The following TPD52L1 variants were observed in gnomAD, a reference collection of about 807,000 sequenced individuals.
TPD52L1 encodes tumor protein D53.
Under a neutral mutation model 28.7 loss-of-function variants are expected in TPD52L1, and 18 were observed. The ratio of observed to expected loss-of-function variants is 0.63; its 90% CI spans 0.43 to 0.93. The LOEUF is 0.93. Among genes scored for constraint, TPD52L1 ranks in the 40% least tolerant of loss-of-function variants. The probability of loss-of-function intolerance (pLI) is 0.00; values close to 1 mark genes in which losing one functional copy is unlikely to be tolerated. For synonymous variants in TPD52L1, 75 were observed against 88.8 expected, an observed-to-expected ratio of 0.84 and a Z score of 0.88; for missense variants, 203 against 254.8, an observed-to-expected ratio of 0.80 and a Z score of 1.39.
rs1358541493 is a variant in TPD52L1 at position 125,263,963 on chromosome 6, C to T, written c.*1001C>T. 2 of 152,130 alleles carry T rather than the reference C, an allele frequency of 1.3e-5. No homozygotes were observed. The highest frequency in any genetic ancestry group is 2.9e-5 in the Non-Finnish European group (2 of 68,034). 9.4% of individuals were successfully genotyped at this position (152,130 alleles called of 1,614,324 possible). Reference sequence around the variant, plus strand: ...TATCCTAGGATGTTAAAATAATCTCCAATTTTAAAATTCTCTCCAATCTAC... The same window carrying T: ...TATCCTAGGATGTTAAAATAATCTCTAATTTTAAAATTCTCTCCAATCTAC... On this transcript the variant is annotated 3_prime_UTR_variant, in exon 7 of 7. Coordinates refer to ENST00000534000, the MANE Select transcript of TPD52L1 (RefSeq NM_003287.4).
intron 3 of TPD52L1, among the ~76,000 whole-genome samples, chr6:125,232,446 T>A (rs1016593992): frequency 6.6e-6 from 1 of 151,912 alleles, no homozygotes; most frequent in Non-Finnish European, 1.5e-5. Context: ...ATGATACCCA[T>A]TCCAGGACAA....
At chr6:125,213,230 A>G (rs1794638003) in intron 1 of TPD52L1, among the ~76,000 whole-genome samples, 1 of 152,126 alleles carries the variant, frequency 6.6e-6, no homozygotes, top group Non-Finnish European at 1.5e-5. Context: ...ACCTCTTTAA[A>G]TATTACTCAT....
chr6:125,209,739 T>C (rs576123253), intron 1 of TPD52L1, among the ~76,000 whole-genome samples: 40 of 152,252 alleles, frequency 2.6e-4, no homozygotes, highest in African/African-American at 9.1e-4. Context: ...GGGGCTGGGC[T>C]CAGGGAAAGC....
At chr6:125,243,902 G>A (rs1431106450) in intron 3 of TPD52L1, among the ~76,000 whole-genome samples, 1 of 151,718 alleles carries the variant, frequency 6.6e-6, no homozygotes, top group Non-Finnish European at 1.5e-5. Flanking sequence ...TTACTTTTCT[G>A]GTTTCTTCTC....
At chr6:125,251,851 T>G (rs1319786151) in intron 4 of TPD52L1, among the ~76,000 whole-genome samples, 1 of 152,230 alleles carries the variant, frequency 6.6e-6, no homozygotes. Flanking sequence ...GTTGGTAAAA[T>G]GATTTGTCAG....
intron 3 of TPD52L1, among the ~76,000 whole-genome samples, chr6:125,243,964 A>T (rs568323779): frequency 3.3e-5 from 5 of 152,128 alleles, no homozygotes; most frequent in Admixed American, 6.6e-5. Context: ...TTTGCTTAAA[A>T]TTTTTTTTAA....
At chr6:125,167,168 G>A (rs1197182075) in intron 1 of TPD52L1, among the ~76,000 whole-genome samples, 1 of 152,094 alleles carries the variant, frequency 6.6e-6, no homozygotes, top group African/African-American at 2.4e-5. Context: ...AGAGGCTGAG[G>A]TGGGAGGGTG....
At chr6:125,190,021 G>A (rs1438186984) in intron 1 of TPD52L1, among the ~76,000 whole-genome samples, 1 of 151,998 alleles carries the variant, frequency 6.6e-6, no homozygotes, top group East Asian at 1.9e-4. Context: ...TACCAACATT[G>A]GGGTGTCGGT....
chr6:125,187,534 A>G (rs1186199735), intron 1 of TPD52L1, among the ~76,000 whole-genome samples: 1 of 152,226 alleles, frequency 6.6e-6, no homozygotes, highest in Non-Finnish European at 1.5e-5. Context: ...TCAAAAGAGC[A>G]ATGTTTGAAT....
intron 1 of TPD52L1, chr6:125,214,385 G>A (rs1251344035): frequency 1.1e-6 from 1 of 888,882 alleles, no homozygotes; most frequent in Admixed American, 6.2e-5. Flanking sequence ...ACATCTCAGG[G>A]CTTAGCTCTC....
chr6:125,213,118 A>G (rs1386322795), intron 1 of TPD52L1, among the ~76,000 whole-genome samples: 1 of 152,056 alleles, frequency 6.6e-6, no homozygotes, highest in East Asian at 1.9e-4. Context: ...TATGTGCTCA[A>G]TTTTTTTTAA....
At chr6:125,154,520 A>G in intron 1 of TPD52L1, 1 of 978,984 alleles carries the variant, frequency 1.0e-6, no homozygotes, top group South Asian at 4.8e-5. Context: ...CCTGACCTCC[A>G]GCAGATCCAC....
intron 5 of TPD52L1, among the ~76,000 whole-genome samples, chr6:125,254,828 G>C (rs1473101407): frequency 6.6e-6 from 1 of 152,170 alleles, no homozygotes; most frequent in Admixed American, 6.5e-5. Context: ...TCTGATTAAA[G>C]AGCTTCTCCC....
intron 1 of TPD52L1, among the ~76,000 whole-genome samples, chr6:125,178,138 T>G (rs1330698750): frequency 6.6e-6 from 1 of 152,218 alleles, no homozygotes; most frequent in African/African-American, 2.4e-5. Flanking sequence ...AATATTCAAG[T>G]GCCTTGTCAC....
rs1562215221 is a variant in TPD52L1 at position 125,172,561 on chromosome 6, A to ATATATATAATATAT, written c.19+18591_19+18592insTATATATAATATAT. On this transcript the variant is annotated intron_variant, in intron 1 of 6. Transcript: ENST00000534000. ...ATATATATATATATATAATATATAT[A>ATATATATAATATAT]CTATATGGCATGAAATTAGGTATAT... 1.7e-4 allele frequency among the ~76,000 whole-genome samples: 15 copies of ATATATATAATATAT among 90,448 alleles called. 1 individual carries two copies. Among genetic ancestry groups the ATATATATAATATAT allele is most frequent in the African/African-American group, 7.4e-4 (15 of 20,228 alleles). 59.3% of individuals were successfully genotyped at this position (90,448 alleles called of 152,430 possible).
intron 1 of TPD52L1, 52 bp downstream of exon 1, chr6:125,154,022 G>C (rs1182455463): frequency 6.4e-7 from 1 of 1,574,494 alleles, no homozygotes; most frequent in Non-Finnish European, 8.6e-7. Flanking sequence ...GCGCATAAAG[G>C]CTCTTTTCCT....
At chr6:125,209,016 A>C in intron 1 of TPD52L1, 4 of 878,782 alleles carry the variant, frequency 4.6e-6, no homozygotes, top group Non-Finnish European at 4.1e-6. Context: ...TCTTATCTCT[A>C]CCATGTGCCT....
intron 1 of TPD52L1, among the ~76,000 whole-genome samples, chr6:125,199,973 G>A (rs1793700444): frequency 6.6e-6 from 1 of 152,182 alleles, no homozygotes; most frequent in South Asian, 2.1e-4. Context: ...GGTAAGCAGG[G>A]ACACAGGGTC....
At chr6:125,183,119 G>C (rs1380078520) in intron 1 of TPD52L1, among the ~76,000 whole-genome samples, 2 of 152,172 alleles carry the variant, frequency 1.3e-5, no homozygotes, top group Non-Finnish European at 2.9e-5. Context: ...ATTTCAGTGT[G>C]GCCAGCCTGG....
Sources: gnomAD v4.1 joint callset for allele counts (sites outside exome capture counted in the v4.1 genomes callset) on GRCh38, gnomAD v4.1.1 for gene constraint, MANE v1.5 for transcripts, NCBI Gene and HGNC (gene_info 2026-07-23, HGNC 2026-07-21) for gene names.